Variants in SPOCK3 observed in about 807,000 individuals in gnomAD.
The protein encoded by SPOCK3 is testican-3.
A neutral mutation model predicts 56.6 loss-of-function variants in SPOCK3; 30 were observed. That is an observed-to-expected ratio of 0.53 (90% CI 0.40 to 0.72). The LOEUF (loss-of-function observed/expected upper bound fraction) is 0.72, where lower values mean the gene tolerates loss of function less well. SPOCK3 is among the 30% of genes least tolerant of loss of function. The pLI, the probability that SPOCK3 is intolerant of heterozygous loss-of-function variation, is 0.00. For synonymous variants in SPOCK3, 196 were observed against 183.3 expected (o/e 1.07, Z -0.56); for missense variants, 527 against 530.0 (o/e 0.99, Z 0.06).
At chr4:166,876,671 A>G (rs1733119269) in intron 6 of SPOCK3, among the ~76,000 whole-genome samples, 1 of 152,182 alleles carries the variant, frequency 6.6e-6, no homozygotes, top group African/African-American at 2.4e-5. Context: ...AAAATTATTT[A>G]CAAACGATAT....
chr4:167,011,763 G>A (rs949254298), intron 3 of SPOCK3, among the ~76,000 whole-genome samples: 1 of 151,982 alleles, frequency 6.6e-6, no homozygotes, highest in African/African-American at 2.4e-5. Flanking sequence ...TGCTTTTATT[G>A]AATTCAGTCT....
intron 2 of SPOCK3, among the ~76,000 whole-genome samples, chr4:167,086,157 A>C (rs1758177416): frequency 6.6e-6 from 1 of 152,092 alleles, no homozygotes; most frequent in African/African-American, 2.4e-5. Flanking sequence ...AAAATAGCGA[A>C]ATTTTACTTA....
At chr4:166,887,245 C>T (rs1170648359) in intron 6 of SPOCK3, among the ~76,000 whole-genome samples, 2 of 152,132 alleles carry the variant, frequency 1.3e-5, no homozygotes, top group Non-Finnish European at 2.9e-5. Flanking sequence ...ATCAGCAATA[C>T]CTTTTCATTC....
intron 9 of SPOCK3, 40 bp from the exon 10 acceptor site, chr4:166,737,644 A>G: frequency 6.4e-7 from 1 of 1,574,536 alleles, no homozygotes. Context: ...ACACACATGT[A>G]GTTTATGAAT....
At chr4:167,158,587 T>C (rs1262719377) in intron 2 of SPOCK3, among the ~76,000 whole-genome samples, 1 of 152,012 alleles carries the variant, frequency 6.6e-6, no homozygotes, top group Admixed American at 6.6e-5. Context: ...GTTTCTAAGA[T>C]GTGAACTAGC....
In SPOCK3 at chr4:166,971,013, C is replaced by A. The variant is rs567570750; in HGVS notation, c.350+29336G>T. ...AGTGGCTGGGATTATAGGCGCATAC[C>A]AGCATACCTGGCTTTGATTTTTTAA... On this transcript the variant is annotated intron_variant, in intron 4 of 10. Coordinates refer to ENST00000357545, the MANE Select transcript of SPOCK3 (RefSeq NM_001040159.2). Among the ~76,000 whole-genome samples, 5 of 152,228 alleles carry A rather than the reference C, an allele frequency of 3.3e-5. No individual in the cohort carries two copies. In the South Asian group the frequency reaches 8.3e-4, roughly 25 times the overall value.
chr4:166,917,813 C>CAAAA (rs1196182896), intron 4 of SPOCK3, among the ~76,000 whole-genome samples: 18 of 152,100 alleles, frequency 1.2e-4, no homozygotes, highest in Admixed American at 4.6e-4. Context: ...AAACCTCTTT[C>CAAAA]CTTTACATAT....
chr4:167,110,206 A>T (rs1760783759), intron 2 of SPOCK3, among the ~76,000 whole-genome samples: 1 of 151,910 alleles, frequency 6.6e-6, no homozygotes. Flanking sequence ...TTGTCCTATA[A>T]TGCATTCACT....
At chr4:166,865,690 A>C (rs1216630853) in intron 6 of SPOCK3, among the ~76,000 whole-genome samples, 1 of 152,200 alleles carries the variant, frequency 6.6e-6, no homozygotes, top group African/African-American at 2.4e-5. Flanking sequence ...ATTGCTACAA[A>C]GGGAATAAAA....
chr4:166,997,829 T>C (rs1317386788), intron 4 of SPOCK3, among the ~76,000 whole-genome samples: 1 of 152,152 alleles, frequency 6.6e-6, no homozygotes, highest in Admixed American at 6.6e-5. Context: ...AAACAGCGGG[T>C]TTCCTTTCTC....
At chr4:167,024,181 C>G (rs1331267971) in intron 3 of SPOCK3, among the ~76,000 whole-genome samples, 1 of 151,988 alleles carries the variant, frequency 6.6e-6, no homozygotes, top group African/African-American at 2.4e-5. Context: ...ATCCCTTAAC[C>G]TGTTCACACT....
intron 2 of SPOCK3, among the ~76,000 whole-genome samples, chr4:167,116,625 A>ATATACTATATACGTATATATACACG (rs1554038945): frequency 1.6e-5 from 2 of 125,216 alleles, no homozygotes; most frequent in African/African-American, 3.1e-5. Flanking sequence ...ATATATATAC[A>ATATACTATATACGTATATATACACG]TATATACTAT....
chr4:167,087,981 T>C lies in SPOCK3; in HGVS notation c.190-25444A>G, dbSNP rs535613034. Among the ~76,000 whole-genome samples, 8 of 152,176 alleles carry C rather than the reference T, an allele frequency of 5.3e-5. No homozygotes were observed. In the South Asian group the frequency reaches 8.3e-4, roughly 16 times the overall value. On this transcript the variant is annotated intron_variant, in intron 2 of 10. Coordinates refer to ENST00000357545, the MANE Select transcript of SPOCK3 (RefSeq NM_001040159.2). Reference sequence around the variant, plus strand: ...TAGATAAGCAAACGCTGATAACATATACCACCAATATACTGACACTAAGAG... The same window carrying C: ...TAGATAAGCAAACGCTGATAACATACACCACCAATATACTGACACTAAGAG...
chr4:166,762,743 A>G (rs1420980438), intron 7 of SPOCK3, among the ~76,000 whole-genome samples: 1 of 152,150 alleles, frequency 6.6e-6, no homozygotes, highest in Admixed American at 6.6e-5. Context: ...AACATACAAT[A>G]AATGAAATGA....
intron 8 of SPOCK3, among the ~76,000 whole-genome samples, chr4:166,746,892 C>G (rs1047846779): frequency 2.3e-4 from 35 of 152,130 alleles, no homozygotes; most frequent in African/African-American, 8.4e-4. Flanking sequence ...AGAAGAAATG[C>G]ATAAATTCCT....
At chr4:166,987,770 T>C (rs1290769107) in intron 4 of SPOCK3, among the ~76,000 whole-genome samples, 1 of 152,144 alleles carries the variant, frequency 6.6e-6, no homozygotes, top group African/African-American at 2.4e-5. Flanking sequence ...CAGGTAAAAA[T>C]TTCTATTTAC....
intron 2 of SPOCK3, among the ~76,000 whole-genome samples, chr4:167,183,902 A>C (rs1731721227): frequency 6.6e-6 from 1 of 152,194 alleles, no homozygotes. Context: ...AGACATAGAA[A>C]CTTTTATTAG....
At chr4:167,019,294 C>A (rs552810799) in intron 3 of SPOCK3, among the ~76,000 whole-genome samples, 2 of 151,966 alleles carry the variant, frequency 1.3e-5, no homozygotes, top group Admixed American at 6.6e-5. Flanking sequence ...AAGAATGTAA[C>A]CTATTCTGTC....
chr4:166,868,713 G>C (rs1391119682), intron 6 of SPOCK3, among the ~76,000 whole-genome samples: 1 of 152,000 alleles, frequency 6.6e-6, no homozygotes, highest in African/African-American at 2.4e-5. Context: ...TGTTGAAAAA[G>C]TCAAACTATA....
Sources: allele counts gnomAD v4.1 joint callset (sites outside exome capture counted in the v4.1 genomes callset), GRCh38; gene constraint gnomAD v4.1.1; transcripts MANE v1.5; gene names NCBI Gene and HGNC (gene_info 2026-07-23, HGNC 2026-07-21).